The following COL6A5 variants were observed in gnomAD, a reference collection of about 807,000 sequenced individuals.
The protein encoded by COL6A5 is collagen type VI alpha 5 chain.
COL6A5 carries 48 observed loss-of-function variants against 65.6 expected under a neutral mutation model. That is an observed-to-expected ratio of 0.73 (90% CI 0.58 to 0.93). COL6A5 has a LOEUF of 0.93. COL6A5 is among the 40% of genes least tolerant of loss of function. COL6A5 has a pLI of 0.00. For synonymous variants in COL6A5, 291 were observed against 322.8 expected, an observed-to-expected ratio of 0.90 and a Z score of 1.05; for missense variants, 914 against 928.3, an observed-to-expected ratio of 0.98 and a Z score of 0.20.
Position 130,426,416 on chromosome 3 carries a change from T to A in COL6A5, c.5236+13T>A, listed in dbSNP as rs1033752222. On this transcript the variant is annotated intron_variant and NMD_transcript_variant, in intron 31 of 41. Coordinates refer to the COL6A5 transcript ENST00000312481. ...CGGGAACATAGTCGTGAGTATCTGT[T>A]ACGGAACAAGAGCATCCATCAATGG... The A allele has an allele frequency of 1.9e-6, 3 of 1,551,016 alleles. No homozygotes were observed. In the Admixed American group the frequency reaches 5.9e-5, roughly 30 times the overall value.
At position 130,398,125 on chromosome 3, in the gene COL6A5, G is replaced by GTTTTT. The variant is rs747107091; in HGVS notation, c.3991+16_3991+17insTTTTT. ...TCAGAGAAGCAGGTATTGAGTTGTT[G>GTTTTT]TTGTTTTTTTTTTTTTTTTTTTTGA... On this transcript the variant is annotated intron_variant and NMD_transcript_variant, in intron 10 of 41. Coordinates refer to the COL6A5 transcript ENST00000312481. 1.9e-4 allele frequency: 207 copies of GTTTTT among 1,064,576 alleles called. 2 individuals are homozygous for GTTTTT. The highest frequency in any genetic ancestry group is 1.4e-3 in the African/African-American group (74 of 52,796). The allele number at this position is 1,064,576 out of a possible 1,614,324, so 65.9% of individuals were successfully genotyped here.
At chr3:130,400,915 G>C in intron 10 of COL6A5, 116 bp from the exon 11 acceptor site, 1 of 861,074 alleles carries the variant, frequency 1.2e-6, no homozygotes, top group South Asian at 2.4e-5. Flanking sequence ...TCTTATGTTT[G>C]TTTTTTTCCC....
In COL6A5 at chr3:130,393,035, A is replaced by G. The variant is rs1052838150; in HGVS notation, c.2992+1281A>G. Reference sequence around the variant, plus strand: ...TAACACTGAATGTTCTTTCTTCTACACACTGGATGTGGTCACTCTTCTGCT... The same window carrying G: ...TAACACTGAATGTTCTTTCTTCTACGCACTGGATGTGGTCACTCTTCTGCT... On this transcript the variant is annotated intron_variant and NMD_transcript_variant, in intron 7 of 41. Transcript: ENST00000312481. Among the ~76,000 whole-genome samples the G allele has an allele frequency of 6.0e-5, 9 of 149,828 alleles. No individual in the cohort carries two copies. The East Asian group carries it at 1.8e-3, about 29-fold the overall frequency.
At position 130,379,610 on chromosome 3, in the gene COL6A5, C is replaced by A. The variant is rs1935917473; in HGVS notation, c.860C>A (p.Ser287Tyr). The A allele has an allele frequency of 1.9e-6, 3 of 1,551,428 alleles. No individual in the cohort carries two copies. Among genetic ancestry groups the A allele is most frequent in the Non-Finnish European group, 2.6e-6 (3 of 1,146,818 alleles). ...TACAGCAATAGTGCCAAGACTATTTCTTTTCTTAAATCAAGCACAACCCAA... is the reference window on the plus strand; with the variant it reads ...TACAGCAATAGTGCCAAGACTATTTATTTTCTTAAATCAAGCACAACCCAA... The change falls in exon 4 of 42, where the codon TCT becomes TAT. Residue 287 changes from serine (S) to tyrosine (Y), a missense_variant and NMD_transcript_variant. Ser to Tyr is a moderately radical substitution (Grantham distance 144, BLOSUM62 -2). Coordinates refer to the COL6A5 transcript ENST00000312481.
At chr3:130,349,604 G>T (rs1271093860) in intron 1 of COL6A5, among the ~76,000 whole-genome samples, 4 of 152,144 alleles carry the variant, frequency 2.6e-5, no homozygotes, top group Non-Finnish European at 5.9e-5. Flanking sequence ...CATTGCCTAA[G>T]AAGGGTCTTG....
At chr3:130,404,612 A>G (rs1435594443) in intron 13 of COL6A5, among the ~76,000 whole-genome samples, 4 of 152,330 alleles carry the variant, frequency 2.6e-5, no homozygotes, top group African/African-American at 9.6e-5. Context: ...AGTGTGGGGA[A>G]TAGTGTCACC....
intron 2 of COL6A5, among the ~76,000 whole-genome samples, chr3:130,375,778 G>A (rs1935744652): frequency 6.6e-6 from 1 of 152,070 alleles, no homozygotes; most frequent in Admixed American, 6.6e-5. Context: ...CCAAGCAAAA[G>A]GGGAAAAGCC....
At chr3:130,426,163 A>G in intron 29 of COL6A5, 51 bp from the exon 30 acceptor site, 1 of 1,516,574 alleles carries the variant, frequency 6.6e-7, no homozygotes, top group Middle Eastern at 1.9e-4. Context: ...ACTAAAGACT[A>G]AAGACTTCAG....
exon 5 of COL6A5, chr3:130,384,937 A>G (rs1002699809): frequency 3.7e-5 from 57 of 1,550,896 alleles, no homozygotes; most frequent in Non-Finnish European, 4.6e-5. Context: ...GCCCAGACAA[A>G]GTCCGAGTTG....
intron 5 of COL6A5, among the ~76,000 whole-genome samples, chr3:130,459,208 A>C (rs952301246): frequency 6.6e-6 from 1 of 152,140 alleles, no homozygotes; most frequent in Admixed American, 6.6e-5. Flanking sequence ...CAATGAGCTC[A>C]TTAAGAAATG....
chr3:130,397,965 A>G, intron 9 of COL6A5, 42 bp downstream of exon 9: 3 of 1,544,340 alleles, frequency 1.9e-6, no homozygotes, highest in Non-Finnish European at 2.6e-6. Context: ...ACATTCTCCC[A>G]TTTGTTCTTC....
At chr3:130,434,251 T>C (rs965899043) in intron 1 of COL6A5, among the ~76,000 whole-genome samples, 1 of 152,230 alleles carries the variant, frequency 6.6e-6, no homozygotes, top group South Asian at 2.1e-4. Flanking sequence ...TCCATGTCCC[T>C]GCAAAGGACA....
chr3:130,428,668 G>T (rs1454327410), upstream of COL6A5, among the ~76,000 whole-genome samples: 2 of 152,110 alleles, frequency 1.3e-5, no homozygotes, highest in African/African-American at 4.8e-5. Context: ...TTAACACGTG[G>T]AAGTACTCAG....
chr3:130,448,443 C>T (rs539271188), intron 4 of COL6A5, among the ~76,000 whole-genome samples: 10 of 152,214 alleles, frequency 6.6e-5, no homozygotes, highest in South Asian at 2.1e-4. Context: ...ATTAATGTTA[C>T]CCAAAAGTTT....
chr3:130,418,080 G>C (rs1186645203), intron 24 of COL6A5, among the ~76,000 whole-genome samples: 3 of 152,024 alleles, frequency 2.0e-5, no homozygotes, highest in African/African-American at 7.3e-5. Context: ...GTGGTAACAA[G>C]ATAAGGCAAT....
intron 8 of COL6A5, among the ~76,000 whole-genome samples, chr3:130,396,681 T>C (rs1224421693): frequency 6.6e-6 from 1 of 152,190 alleles, no homozygotes; most frequent in Non-Finnish European, 1.5e-5. Flanking sequence ...TCCACATAGC[T>C]ACTCTCAGCT....
In COL6A5 at chr3:130,423,850, T is replaced by C. The variant is rs1427767896; in HGVS notation, c.5113T>C (p.Leu1705=). Residue 1705 remains leucine (L), a synonymous_variant and NMD_transcript_variant, in exon 29 of 42, where the codon TTG becomes CTG. Transcript: ENST00000312481. Reference sequence around the variant, plus strand: ...TTCCTATCTGCAGCTCACTGTAGGCTTGAAAGGTGAAGAGGGATCTCGAGG... The same window carrying C: ...TTCCTATCTGCAGCTCACTGTAGGCCTGAAAGGTGAAGAGGGATCTCGAGG... 33 of 1,549,718 alleles carry C rather than the reference T, an allele frequency of 2.1e-5. No homozygotes were observed. The East Asian group carries it at 7.8e-4, about 37-fold the overall frequency.
At chr3:130,362,304 ATATATATATATATATATATATATTTTTTT>A (rs1559857930) in intron 1 of COL6A5, among the ~76,000 whole-genome samples, 5 of 7,658 alleles carry the variant, frequency 6.5e-4, no homozygotes, top group Non-Finnish European at 1.0e-3. Context: ...ATATATATAT[ATATATATATATATATATATATATTTTTTT>A]TTTTTTTTTT....
At chr3:130,436,751 C>G (rs1410292195) in intron 1 of COL6A5, among the ~76,000 whole-genome samples, 1 of 152,040 alleles carries the variant, frequency 6.6e-6, no homozygotes, top group African/African-American at 2.4e-5. Context: ...CATTAATTGT[C>G]CCTTCTCAGT....
Sources: allele counts gnomAD v4.1 joint callset (sites outside exome capture counted in the v4.1 genomes callset), GRCh38; gene constraint gnomAD v4.1.1; transcripts MANE v1.5; gene names NCBI Gene and HGNC (gene_info 2026-07-23, HGNC 2026-07-21).